L3MBTL3: variants seen among roughly 807,000 people sequenced by gnomAD.
The protein encoded by L3MBTL3 is lethal(3)malignant brain tumor-like protein 3.
Under a neutral mutation model 102.3 loss-of-function variants are expected in L3MBTL3, and 27 were observed. That is an observed-to-expected ratio of 0.26 (90% confidence interval 0.19 to 0.36). The LOEUF is 0.36. Ranked by LOEUF, L3MBTL3 falls within the 10% of genes least tolerant of loss-of-function variation. L3MBTL3 has a pLI of 1.00. For synonymous variants in L3MBTL3, 340 were observed against 320.9 expected, an observed-to-expected ratio of 1.06 and a Z score of -0.64; for missense variants, 798 against 955.3, an observed-to-expected ratio of 0.84 and a Z score of 2.17.
At chr6:130,117,864 T>C (rs951370519) in intron 19 of L3MBTL3, among the ~76,000 whole-genome samples, 1 of 13,396 alleles carries the variant, frequency 7.5e-5, no homozygotes, top group Admixed American at 8.6e-4. Flanking sequence ...CACGCCTGAC[T>C]TTTTTTTTTT....
chr6:130,077,369 C>T (rs1045622757), intron 13 of L3MBTL3, among the ~76,000 whole-genome samples: 1 of 152,058 alleles, frequency 6.6e-6, no homozygotes, highest in African/African-American at 2.4e-5. Flanking sequence ...GCAGCATGAA[C>T]TTGGCATTGA....
In L3MBTL3 at chr6:130,139,834, T is replaced by C; in HGVS notation, c.*81T>C. 1 of 1,346,832 alleles carries C rather than the reference T, an allele frequency of 7.4e-7. No homozygotes were observed. The highest frequency in any genetic ancestry group is 1.0e-6 in the Non-Finnish European group (1 of 964,412). 83.4% of individuals were successfully genotyped at this position (1,346,832 alleles called of 1,614,324 possible). A position where few individuals can be genotyped will look rare whatever the true frequency, so the allele number is the denominator to read the frequency against. Reference sequence around the variant, plus strand: ...AAAGCACAAGGACGGTTATAACTCCTAAGTGAGAAGTCTCCAAAACTCAAA... The same window carrying C: ...AAAGCACAAGGACGGTTATAACTCCCAAGTGAGAAGTCTCCAAAACTCAAA... On this transcript the variant is annotated 3_prime_UTR_variant, in exon 23 of 23. Transcript: ENST00000361794.
intron 22 of L3MBTL3, among the ~76,000 whole-genome samples, chr6:130,136,312 G>T (rs1787650411): frequency 6.6e-6 from 1 of 152,042 alleles, no homozygotes; most frequent in Admixed American, 6.6e-5. Context: ...TCCTTACAAG[G>T]GCCTGCAGTC....
At position 130,053,937 on chromosome 6, in the gene L3MBTL3, G is replaced by C. The variant is rs145761876; in HGVS notation, c.582+946G>C. Among the ~76,000 whole-genome samples, 886 of 152,250 alleles carry C rather than the reference G, an allele frequency of 5.8e-3. 5 individuals carry two copies. The highest frequency in any genetic ancestry group is 9.1e-3 in the South Asian group (44 of 4,818). On this transcript the variant is annotated intron_variant, in intron 7 of 22. Coordinates refer to ENST00000361794, the MANE Select transcript of L3MBTL3 (RefSeq NM_032438.4). Reference sequence around the variant, plus strand: ...GCAGAGACACTGCATTCTTGTTTAGGGGGTAGTTAATCTACAAACAAAATG... The same window carrying C: ...GCAGAGACACTGCATTCTTGTTTAGCGGGTAGTTAATCTACAAACAAAATG...
chr6:130,065,407 C>T lies in L3MBTL3; in HGVS notation c.865-946C>T, dbSNP rs575377882. On this transcript the variant is annotated intron_variant, in intron 10 of 22. Coordinates refer to ENST00000361794, the MANE Select transcript of L3MBTL3 (RefSeq NM_032438.4). ...ACCCATAAATACATGTGGACCCCCA[C>T]ATGTCTAATTTTCTCATAAACTTAA... Among the ~76,000 whole-genome samples the T allele has an allele frequency of 3.9e-5, 6 of 152,310 alleles. No individual in the cohort carries two copies. In the South Asian group the frequency reaches 1.2e-3, roughly 32 times the overall value.
chr6:130,125,598 A>C (rs1390333767), intron 20 of L3MBTL3, among the ~76,000 whole-genome samples: 1 of 152,128 alleles, frequency 6.6e-6, no homozygotes, highest in Non-Finnish European at 1.5e-5. Context: ...TCCTCTTTCA[A>C]ACCCAAGGCT....
intron 2 of L3MBTL3, among the ~76,000 whole-genome samples, chr6:130,033,939 A>T (rs1245533509): frequency 1.3e-5 from 2 of 152,244 alleles, no homozygotes; most frequent in Admixed American, 1.3e-4. Context: ...TCAGTAATCC[A>T]AATTTCTTCC....
intron 2 of L3MBTL3, among the ~76,000 whole-genome samples, chr6:130,031,383 G>A (rs1344489173): frequency 6.6e-6 from 1 of 152,176 alleles, no homozygotes; most frequent in Non-Finnish European, 1.5e-5. Flanking sequence ...TCCAAATGAG[G>A]GATTCCATGG....
At chr6:130,083,590 C>T (rs1344741923) in intron 14 of L3MBTL3, 30 bp from the exon 15 acceptor site, 1 of 1,073,082 alleles carries the variant, frequency 9.3e-7, no homozygotes, top group African/African-American at 1.7e-5. Flanking sequence ...TTTGGTTAAA[C>T]CTCATAGGAT....
chr6:130,029,750 A>T (rs1049045840), intron 2 of L3MBTL3, among the ~76,000 whole-genome samples: 4 of 152,086 alleles, frequency 2.6e-5, no homozygotes, highest in African/African-American at 9.7e-5. Context: ...CTGCCCTGTG[A>T]GACTTCAGAG....
rs188877286 is a variant in L3MBTL3, at chr6:130,078,292, G to A, written c.1245-266G>A. Among the ~76,000 whole-genome samples, 36 of 152,260 alleles carry A rather than the reference G, an allele frequency of 2.4e-4. 1 individual carries two copies. The highest frequency in any genetic ancestry group is 7.9e-4 in the African/African-American group (33 of 41,560). ...ATGATATTATGTTTGCATTTTTGCTGTAGTTGAAGTTACAGGATATAACAA... is the reference window on the plus strand; with the variant it reads ...ATGATATTATGTTTGCATTTTTGCTATAGTTGAAGTTACAGGATATAACAA... On this transcript the variant is annotated intron_variant, in intron 13 of 22. Transcript: ENST00000361794.
chr6:130,058,197 A>G (rs1040524374), intron 9 of L3MBTL3, among the ~76,000 whole-genome samples: 2 of 151,108 alleles, frequency 1.3e-5, no homozygotes, highest in Non-Finnish European at 1.5e-5. Context: ...CGATTTACAT[A>G]TTATCACAGC....
intron 16 of L3MBTL3, among the ~76,000 whole-genome samples, chr6:130,087,882 A>G (rs1453016372): frequency 6.6e-6 from 1 of 152,086 alleles, no homozygotes; most frequent in Non-Finnish European, 1.5e-5. Flanking sequence ...GCAATTCTGG[A>G]AAGAATCATA....
rs1783671855 is a variant in L3MBTL3 at position 130,086,147 on chromosome 6, C to T, written c.1415C>T (p.Pro472Leu). 1.2e-6 allele frequency: 2 copies of T among 1,611,436 alleles called. No homozygotes were observed. The highest frequency in any genetic ancestry group is 1.1e-5 in the South Asian group (1 of 90,798). The change falls in exon 16 of 23, where the codon CCT becomes CTT. Residue 472 changes from proline to leucine, a missense_variant. By Grantham distance (98) the Pro-to-Leu change is moderately conservative (BLOSUM62 -3). Transcript: ENST00000361794. ...AATTTTTTTTTGTGGCAGAAACCTC[C>T]TCATGGATTCCAGAAAAAAATGAAG... is the stretch of plus-strand genomic sequence containing the variant. The part of the protein sequence containing the change: ...APARAFKVKP[P>L]HGFQKKMKLE...
rs144994805 is a variant in L3MBTL3, at chr6:130,068,373, A to G, written c.1044A>G (p.Thr348=). The change falls in exon 12 of 23, where the codon ACA becomes ACG. Residue 348 remains threonine (T), a synonymous_variant. Coordinates refer to ENST00000361794, the MANE Select transcript of L3MBTL3 (RefSeq NM_032438.4). ...TCAATTGGCAGACCTATCTTAAGAC[A>G]TGTAAAGCTCAAGCTGCTCCTAAGT... The part of the protein sequence containing the change: ...EEFNWQTYLK[T]CKAQAAPKSL... The G allele has an allele frequency of 1.9e-6, 3 of 1,605,984 alleles. No homozygotes were observed. The highest frequency in any genetic ancestry group is 2.2e-5 in the South Asian group (2 of 90,872).
At chr6:130,049,222 ATAAT>A (rs955666992) in intron 3 of L3MBTL3, 56 bp from the exon 4 acceptor site, 1 of 935,374 alleles carries the variant, frequency 1.1e-6, no homozygotes, top group Admixed American at 2.0e-5. Context: ...CAGCCATTAA[ATAAT>A]TAATGACTTT....
At chr6:130,020,240 G>T (rs1389571221) in intron 1 of L3MBTL3, among the ~76,000 whole-genome samples, 1 of 151,516 alleles carries the variant, frequency 6.6e-6, no homozygotes, top group East Asian at 2.0e-4. Context: ...CGGCGGGGCG[G>T]GGGGAAGTAG....
At chr6:130,131,357 G>T (rs1019113395) in intron 20 of L3MBTL3, among the ~76,000 whole-genome samples, 21 of 152,234 alleles carry the variant, frequency 1.4e-4, no homozygotes, top group African/African-American at 4.3e-4. Flanking sequence ...TGGTGTGGAG[G>T]TGAAGCAATT....
At chr6:130,108,115 C>CT (rs1241177483) in intron 19 of L3MBTL3, among the ~76,000 whole-genome samples, 1 of 150,370 alleles carries the variant, frequency 6.7e-6, no homozygotes, top group Non-Finnish European at 1.5e-5. Flanking sequence ...TAGCTCTTCA[C>CT]TTTGAATCTC....
Sources: gnomAD v4.1 joint callset for allele counts (sites outside exome capture counted in the v4.1 genomes callset) on GRCh38, gnomAD v4.1.1 for gene constraint, MANE v1.5 for transcripts, NCBI Gene and HGNC (gene_info 2026-07-23, HGNC 2026-07-21) for gene names.